The following PPARGC1A variants were observed in gnomAD, a reference collection of about 807,000 sequenced individuals.
PPARGC1A encodes PPARG coactivator 1 alpha.
In PPARGC1A, 25 loss-of-function variants were observed where a neutral mutation model predicts 88.7. That is an observed-to-expected ratio of 0.28 (90% CI 0.21 to 0.39). PPARGC1A has a LOEUF of 0.39. PPARGC1A is among the 10% of genes least tolerant of loss of function. PPARGC1A has a pLI of 1.00. For missense variants in PPARGC1A, 880 were observed against 968.7 expected, an observed-to-expected ratio of 0.91 and a Z score of 1.22; for synonymous variants, 363 against 355.6, an observed-to-expected ratio of 1.02 and a Z score of -0.24.
the PPARGC1A span, among the ~76,000 whole-genome samples, chr4:24,245,623 G>A: frequency 2.0e-5 from 3 of 152,124 alleles, no homozygotes; most frequent in Admixed American, 6.6e-5. Context: ...TTGCTGGTAC[G>A]AGGACCACAC....
chr4:24,256,637 G>A, the PPARGC1A span, among the ~76,000 whole-genome samples: 1 of 152,268 alleles, frequency 6.6e-6, no homozygotes, highest in Non-Finnish European at 1.5e-5. Context: ...TAACGAATTA[G>A]TAGGCTACTG....
At chr4:24,189,292 G>A in the PPARGC1A span, among the ~76,000 whole-genome samples, 4,187 of 152,170 alleles carry the variant, frequency 0.028, 106 homozygotes, top group Non-Finnish European at 0.045. Flanking sequence ...CGTTAGAATG[G>A]TAATTTCTAT....
the PPARGC1A span, among the ~76,000 whole-genome samples, chr4:24,411,970 A>C: frequency 3.9e-5 from 6 of 152,358 alleles, no homozygotes. Context: ...AGCTGCTATA[A>C]ATATCCATAT....
Position 23,814,437 on chromosome 4 carries a change from G to C in PPARGC1A, c.1046C>G (p.Pro349Arg), listed in dbSNP as rs367775864. 1.3e-5 allele frequency: 21 copies of C among 1,613,492 alleles called. No homozygotes were observed. In the East Asian group the frequency reaches 4.5e-4, roughly 34 times the overall value. Residue 349 changes from proline (P) to arginine (R), a missense_variant, in exon 8 of 13, where the codon CCG becomes CGG. Coordinates refer to ENST00000264867, the MANE Select transcript of PPARGC1A (RefSeq NM_013261.5). ...TTGTGCATACAACTCGGATTGCTCCGGCCCTTTCTTGGTGGAGTTATTGCC... is the reference window on the plus strand; with the variant it reads ...TTGTGCATACAACTCGGATTGCTCCCGCCCTTTCTTGGTGGAGTTATTGCC... ...TQGNNSTKKG[P>R]EQSELYAQLS...
At chr4:23,900,957 G>A (rs1719262524), upstream of PPARGC1A, among the ~76,000 whole-genome samples, 1 of 152,220 alleles carries the variant, frequency 6.6e-6, no homozygotes, top group Non-Finnish European at 1.5e-5. Flanking sequence ...GGGTGCGGTG[G>A]CTCACGCCTG....
the PPARGC1A span, among the ~76,000 whole-genome samples, chr4:24,379,371 A>G: frequency 2.3e-4 from 35 of 152,286 alleles, no homozygotes; most frequent in African/African-American, 8.4e-4. Context: ...GTTGGATAGC[A>G]GAGTAGGGTG....
chr4:24,157,746 C>G, the PPARGC1A span, among the ~76,000 whole-genome samples: 30 of 152,092 alleles, frequency 2.0e-4, no homozygotes, highest in Non-Finnish European at 1.5e-5. Flanking sequence ...GATCCAACCC[C>G]ATCTTTCCAT....
At chr4:23,981,856 G>A in the PPARGC1A span, among the ~76,000 whole-genome samples, 1 of 152,216 alleles carries the variant, frequency 6.6e-6, no homozygotes, top group South Asian at 2.1e-4. Context: ...GAATAGGGAA[G>A]CTAAGGAGAT....
the PPARGC1A span, among the ~76,000 whole-genome samples, chr4:24,049,306 G>GTATATATA: frequency 3.8e-5 from 1 of 26,602 alleles, no homozygotes; most frequent in African/African-American, 6.8e-5. Flanking sequence ...ATATATATGT[G>GTATATATA]TGTATATATA....
At chr4:24,265,196 G>T in the PPARGC1A span, among the ~76,000 whole-genome samples, 1 of 152,114 alleles carries the variant, frequency 6.6e-6, no homozygotes, top group Admixed American at 6.6e-5. Flanking sequence ...GTTCTGATGT[G>T]GTCTAGTGGC....
At chr4:24,014,750 C>A in the PPARGC1A span, among the ~76,000 whole-genome samples, 1 of 152,150 alleles carries the variant, frequency 6.6e-6, no homozygotes, top group Non-Finnish European at 1.5e-5. Flanking sequence ...GACCCACCCC[C>A]TCTTTTTAAA....
the PPARGC1A span, among the ~76,000 whole-genome samples, chr4:23,939,324 A>C: frequency 6.6e-6 from 1 of 152,306 alleles, no homozygotes; most frequent in East Asian, 1.9e-4. Flanking sequence ...AAATACCAAA[A>C]TGGCTCAGCC....
the PPARGC1A span, among the ~76,000 whole-genome samples, chr4:24,213,165 CTTTT>C: frequency 1.3e-4 from 13 of 100,726 alleles, no homozygotes; most frequent in East Asian, 2.9e-4. Flanking sequence ...GATTATTTTC[CTTTT>C]TTTTTTTTTT....
the PPARGC1A span, among the ~76,000 whole-genome samples, chr4:24,238,710 T>C: frequency 6.6e-6 from 1 of 151,260 alleles, no homozygotes; most frequent in Middle Eastern, 3.4e-3. Context: ...CTCCAGAAGA[T>C]CTGTTAAGTG....
At chr4:24,053,550 A>T in the PPARGC1A span, among the ~76,000 whole-genome samples, 1 of 152,190 alleles carries the variant, frequency 6.6e-6, no homozygotes, top group Non-Finnish European at 1.5e-5. Context: ...AATGTTTGTG[A>T]CAACTAAAAT....
chr4:24,390,852 C>T, the PPARGC1A span, among the ~76,000 whole-genome samples: 1 of 151,904 alleles, frequency 6.6e-6, no homozygotes, highest in Non-Finnish European at 1.5e-5. Flanking sequence ...AGTTTCATGA[C>T]CCCCTGATAA....
the PPARGC1A span, among the ~76,000 whole-genome samples, chr4:24,209,194 G>T: frequency 6.6e-6 from 1 of 152,162 alleles, no homozygotes; most frequent in South Asian, 2.1e-4. Context: ...GCCAACCTCA[G>T]GAGCTGATGG....
chr4:23,837,632 T>A (rs1166392795), intron 2 of PPARGC1A, among the ~76,000 whole-genome samples: 1 of 150,748 alleles, frequency 6.6e-6, no homozygotes, highest in Non-Finnish European at 1.5e-5. Context: ...TAACTCCTAC[T>A]TTAAGTGAGG....
chr4:23,819,086 T>A (rs571237448), intron 7 of PPARGC1A, among the ~76,000 whole-genome samples: 1 of 152,136 alleles, frequency 6.6e-6, no homozygotes, highest in South Asian at 2.1e-4. Flanking sequence ...TCAGGCCTCA[T>A]GAATTTGGAG....
Sources: gnomAD v4.1 joint callset for allele counts (sites outside exome capture counted in the v4.1 genomes callset) on GRCh38, gnomAD v4.1.1 for gene constraint, MANE v1.5 for transcripts, NCBI Gene and HGNC (gene_info 2026-07-23, HGNC 2026-07-21) for gene names.